The following MYO16 variants were observed in gnomAD, a reference collection of about 807,000 sequenced individuals.
The protein encoded by MYO16 is unconventional myosin-XVI.
In MYO16, 94 loss-of-function variants were observed where a neutral mutation model predicts 205.3. The ratio of observed to expected loss-of-function variants is 0.46; its 90% CI spans 0.39 to 0.54. The LOEUF is 0.54. MYO16 is among the 20% of genes least tolerant of loss of function. The pLI is 0.00. For missense variants in MYO16, 2,315 were observed against 2,387.5 expected, an observed-to-expected ratio of 0.97 and a Z score of 0.63; for synonymous variants, 988 against 954.0, an observed-to-expected ratio of 1.04 and a Z score of -0.66.
intron 1 of MYO16, among the ~76,000 whole-genome samples, chr13:108,596,466 C>G (rs1297340113): frequency 6.6e-6 from 1 of 151,480 alleles, no homozygotes; most frequent in Non-Finnish European, 1.5e-5. Flanking sequence ...AATTTTAACT[C>G]TAATTAAAGC....
At chr13:109,068,592 T>A (rs1047912991) in intron 27 of MYO16, among the ~76,000 whole-genome samples, 12 of 40,878 alleles carry the variant, frequency 2.9e-4, no homozygotes, top group African/African-American at 8.1e-4. Context: ...GCCATGAATT[T>A]TTTTTTTTTT....
intron 34 of MYO16, among the ~76,000 whole-genome samples, chr13:109,196,513 G>A (rs1880161379): frequency 6.6e-6 from 1 of 152,150 alleles, no homozygotes; most frequent in African/African-American, 2.4e-5. Context: ...CTGGTGTTCA[G>A]AGGCACAGAC....
intron 20 of MYO16, among the ~76,000 whole-genome samples, chr13:108,978,894 T>G (rs1036996390): frequency 2.0e-5 from 3 of 152,024 alleles, no homozygotes; most frequent in African/African-American, 7.2e-5. Context: ...ATTATTTTCT[T>G]TCTTTTTTGA....
chr13:108,582,728 G>A, the MYO16 span, among the ~76,000 whole-genome samples: 345 of 152,254 alleles, frequency 2.3e-3, 3 homozygotes, highest in African/African-American at 7.9e-3. Context: ...TGGAGATGGG[G>A]TGGGGTTTAG....
At chr13:108,749,147 A>T (rs1318092642) in intron 4 of MYO16, among the ~76,000 whole-genome samples, 1 of 152,182 alleles carries the variant, frequency 6.6e-6, no homozygotes, top group Non-Finnish European at 1.5e-5. Flanking sequence ...ATTACCTCAC[A>T]AACTTATTAT....
At chr13:108,918,709 C>T (rs566237265) in intron 16 of MYO16, among the ~76,000 whole-genome samples, 2 of 152,284 alleles carry the variant, frequency 1.3e-5, no homozygotes, top group Non-Finnish European at 2.9e-5. Flanking sequence ...GAGGCCGAGG[C>T]GGGCAGATCA....
At chr13:109,030,770 A>G (rs1294135150) in intron 23 of MYO16, among the ~76,000 whole-genome samples, 1 of 152,086 alleles carries the variant, frequency 6.6e-6, no homozygotes, top group African/African-American at 2.4e-5. Flanking sequence ...AGCAAAGTCA[A>G]CTAAACTCCC....
intron 22 of MYO16, among the ~76,000 whole-genome samples, chr13:109,014,742 G>A (rs1885743238): frequency 6.6e-6 from 1 of 152,202 alleles, no homozygotes; most frequent in African/African-American, 2.4e-5. Flanking sequence ...GTGAATGGGA[G>A]TTCACTCATG....
intron 1 of MYO16, among the ~76,000 whole-genome samples, chr13:108,647,072 C>T (rs561558139): frequency 6.6e-6 from 1 of 152,194 alleles, no homozygotes; most frequent in African/African-American, 2.4e-5. Context: ...GGCATTTTCC[C>T]TTGTGATTGA....
chr13:109,089,000 A>T (rs1888534639), intron 27 of MYO16, among the ~76,000 whole-genome samples: 1 of 152,118 alleles, frequency 6.6e-6, no homozygotes, highest in Non-Finnish European at 1.5e-5. Context: ...GAATCTTAAG[A>T]GATTAATTCC....
intron 14 of MYO16, among the ~76,000 whole-genome samples, chr13:108,896,007 C>T (rs1594377335): frequency 2.0e-5 from 3 of 152,122 alleles, no homozygotes; most frequent in African/African-American, 4.8e-5. Flanking sequence ...ACCTCCTCAG[C>T]GTTACATAAT....
At chr13:108,773,689 A>T (rs1390347486) in intron 4 of MYO16, among the ~76,000 whole-genome samples, 5 of 152,182 alleles carry the variant, frequency 3.3e-5, no homozygotes, top group Non-Finnish European at 7.3e-5. Context: ...ATTCACAGGT[A>T]CTTGGGGGTA....
chr13:108,711,310 C>A (rs1385250453), intron 2 of MYO16, among the ~76,000 whole-genome samples: 1 of 152,238 alleles, frequency 6.6e-6, no homozygotes, highest in Non-Finnish European at 1.5e-5. Flanking sequence ...TAACACACTA[C>A]TCAATGTTAG....
At chr13:108,599,869 G>C (rs1878701420) in intron 1 of MYO16, among the ~76,000 whole-genome samples, 1 of 152,108 alleles carries the variant, frequency 6.6e-6, no homozygotes, top group East Asian at 1.9e-4. Flanking sequence ...TACAGGCATG[G>C]AAAGAAAAGT....
At chr13:108,653,777 A>C (rs771465854) in intron 1 of MYO16, among the ~76,000 whole-genome samples, 2 of 150,910 alleles carry the variant, frequency 1.3e-5, no homozygotes, top group Non-Finnish European at 2.9e-5. Flanking sequence ...ACACATGCAT[A>C]TATATACATA....
chr13:108,602,898 A>G (rs944151070), intron 1 of MYO16, among the ~76,000 whole-genome samples: 1 of 152,216 alleles, frequency 6.6e-6, no homozygotes, highest in Non-Finnish European at 1.5e-5. Flanking sequence ...GTAGTGGAAC[A>G]GGTATGGAAA....
chr13:109,139,398 T>G (rs1232676230), intron 31 of MYO16, among the ~76,000 whole-genome samples: 1 of 152,230 alleles, frequency 6.6e-6, no homozygotes, highest in Admixed American at 6.5e-5. Context: ...TCACACCTGT[T>G]AGGTCCTAAG....
intron 33 of MYO16, among the ~76,000 whole-genome samples, chr13:109,176,829 G>T: frequency 6.7e-6 from 1 of 150,310 alleles, no homozygotes; most frequent in South Asian, 2.1e-4. Context: ...GTCCTCACCT[G>T]GCCCTCCACC....
At chr13:108,926,036 G>A (rs959045281) in intron 16 of MYO16, among the ~76,000 whole-genome samples, 4 of 152,180 alleles carry the variant, frequency 2.6e-5, no homozygotes, top group Admixed American at 6.5e-5. Flanking sequence ...TGTTCTGACC[G>A]CACAAAGACT....
Sources: allele counts gnomAD v4.1 joint callset (sites outside exome capture counted in the v4.1 genomes callset), GRCh38; gene constraint gnomAD v4.1.1; transcripts MANE v1.5; gene names NCBI Gene and HGNC (gene_info 2026-07-23, HGNC 2026-07-21).